The following ABCA2 variants were observed in gnomAD, a reference collection of about 807,000 sequenced individuals.
ABCA2 encodes the protein ATP-binding cassette sub-family A member 2.
ABCA2 carries 84 observed loss-of-function variants against 262.8 expected under a neutral mutation model. That is an observed-to-expected ratio of 0.32 (90% CI 0.27 to 0.38). The LOEUF is 0.38. ABCA2 is among the 10% of genes least tolerant of loss of function. The pLI, the probability that ABCA2 is intolerant of heterozygous loss-of-function variation, is 1.00. For missense variants in ABCA2, 2,662 were observed against 3,405.9 expected (o/e 0.78, Z 5.44); for synonymous variants, 1,696 against 1,502.9 (o/e 1.13, Z -2.97).
At position 137,022,741 on chromosome 9, in the gene ABCA2, C is replaced by T. The variant is rs751530068; in HGVS notation, c.400G>A (p.Gly134Ser). 1 of 1,605,706 alleles carries T rather than the reference C, an allele frequency of 6.2e-7. No individual in the cohort carries two copies. Among genetic ancestry groups the T allele is most frequent in the East Asian group, 2.2e-5 (1 of 44,664 alleles). ...LRQHLEALSA[G>S]PGTSGSHLDR... ...AGGTGGCTCCCCGAGGTGCCCGGGC[C>T]CGCACTGAGGGCCTCCAGATGCTGG... The change falls in exon 5 of 49, where the codon GGC (glycine) becomes AGC (serine). Residue 134 changes from glycine to serine, a missense_variant. Around this residue, in one of 12 missense-constraint regions of ABCA2, gnomAD observed 403 missense variants for 375.9 expected, o/e 1.07. Coordinates refer to ENST00000341511, the MANE Select transcript of ABCA2 (RefSeq NM_001606.5).
Position 137,014,750 on chromosome 9 carries a change from G to T in ABCA2, c.3943C>A (p.Leu1315Met). The T allele has an allele frequency of 6.2e-7, 1 of 1,601,542 alleles. No homozygotes were observed. The highest frequency in any genetic ancestry group is 1.7e-5 in the Admixed American group (1 of 58,044). The change falls in exon 26 of 49, where the codon CTG becomes ATG. Residue 1315 changes from leucine (L) to methionine (M), a missense_variant. Leu to Met is a conservative substitution (Grantham distance 15, BLOSUM62 2). This residue lies in a region of ABCA2 where 297 missense variants were observed against 286.5 expected (regional missense o/e 1.04). Transcript: ENST00000341511. ...GACACCTTGAGGAACACTTCCTCCA[G>T]GGTCGTGTCCATCAGCCCGAAGCTG... ...LSSFGLMDTT[L>M]EEVFLKVSEE... is the part of the protein sequence containing the mutation.
In ABCA2 at chr9:137,010,066, C is replaced by T. The variant is rs747146798; in HGVS notation, c.6412G>A (p.Ala2138Thr). ...CGGGCCGTGAGCTCGTCGAACAGCG[C>T]GTCACACTGCGGGCAGTAGCCGAGG... ...QSLGYCPQCD[A>T]LFDELTAREH... Residue 2138 changes from alanine to threonine, a missense_variant, in exon 42 of 49, where the codon GCG becomes ACG. Around this residue, in one of 12 missense-constraint regions of ABCA2, gnomAD observed 602 missense variants for 897.4 expected, o/e 0.67. Transcript: ENST00000341511. 12 of 1,600,520 alleles carry T rather than the reference C, an allele frequency of 7.5e-6. No individual in the cohort carries two copies. The highest frequency in any genetic ancestry group is 1.7e-5 in the Admixed American group (1 of 59,426).
intron 27 of ABCA2, 57 bp downstream of exon 27, chr9:137,014,111 C>A: frequency 6.3e-7 from 1 of 1,589,100 alleles, no homozygotes; most frequent in Non-Finnish European, 8.6e-7. Context: ...TCATGCCGCT[C>A]CCCCGCAACC....
At chr9:137,022,325 A>G (rs1216087427) in intron 6 of ABCA2, 26 bp downstream of exon 6, 3 of 1,574,978 alleles carry the variant, frequency 1.9e-6, no homozygotes, top group Admixed American at 1.8e-5. Flanking sequence ...GGGAGTGGCC[A>G]GGGCTGGGAG....
chr9:137,024,942 G>C (rs755791016), intron 1 of ABCA2, among the ~76,000 whole-genome samples: 1 of 152,162 alleles, frequency 6.6e-6, no homozygotes, highest in Non-Finnish European at 1.5e-5. Flanking sequence ...GGGACTACAG[G>C]CGCCCGCCAC....
rs531165598 is a variant in ABCA2, at chr9:137,019,964, C to T, written c.1425+372G>A. The T allele has an allele frequency of 4.1e-5, 11 of 265,176 alleles. No individual in the cohort carries two copies. The highest frequency in any genetic ancestry group is 2.5e-4 in the African/African-American group (11 of 44,056). 16.4% of individuals were successfully genotyped at this position (265,176 alleles called of 1,614,324 possible). On this transcript the variant is annotated intron_variant, in intron 10 of 48. Coordinates refer to ENST00000341511, the MANE Select transcript of ABCA2 (RefSeq NM_001606.5). The surrounding 1 kb of genome is among the most constrained non-coding windows in gnomAD (Gnocchi z 4.4). ...CTCCCCTCCCAGGCCAATGTCCAGC[C>T]CTGGCCTCTGCTTGTTCCAGACAGG...
rs749797423 is a variant in ABCA2 at position 137,021,873 on chromosome 9, A to C, written c.678+18T>G. ...GCAGGCAGCACTCCAGGCCCATCCC[A>C]CACATGGATGCCCTCACCTCCATCC... On this transcript the variant is annotated intron_variant, in intron 7 of 48. Transcript: ENST00000341511. This position sits in a 1 kb window ranked among gnomAD's most constrained non-coding sequence, Gnocchi z 6.0. The C allele has an allele frequency of 1.9e-6, 3 of 1,571,920 alleles. No individual in the cohort carries two copies. The highest frequency in any genetic ancestry group is 2.6e-6 in the Non-Finnish European group (3 of 1,156,234).
Position 137,010,463 on chromosome 9 carries a change from C to T in ABCA2, c.6175-92G>A, listed in dbSNP as rs1830995000. ...CCCAGACCCTGCCCCACCTCCAGAG[C>T]CCAGGGGGCCACGTGCCCCACAGCC... On this transcript the variant is annotated intron_variant, in intron 40 of 48. Coordinates refer to ENST00000341511, the MANE Select transcript of ABCA2 (RefSeq NM_001606.5). 3.5e-6 allele frequency: 5 copies of T among 1,446,012 alleles called. No individual in the cohort carries two copies. The East Asian group carries it at 1.0e-4, about 30-fold the overall frequency. The allele number at this position is 1,446,012 out of a possible 1,614,324, so 89.6% of individuals were successfully genotyped here.
rs1005414934 is a variant in ABCA2 at position 137,009,782 on chromosome 9, G to C, written c.6617C>G (p.Ala2206Gly). The C allele has an allele frequency of 6.2e-7, 1 of 1,611,646 alleles. No homozygotes were observed. The highest frequency in any genetic ancestry group is 8.5e-7 in the Non-Finnish European group (1 of 1,179,322). The change falls in exon 43 of 49, where the codon GCC (alanine) becomes GGC (glycine). Residue 2206 changes from alanine to glycine, a missense_variant. Ala to Gly is a moderately conservative substitution (Grantham distance 60). This residue lies in a region of ABCA2 where 602 missense variants were observed against 897.4 expected (regional missense o/e 0.67). Coordinates refer to ENST00000341511, the MANE Select transcript of ABCA2 (RefSeq NM_001606.5). The part of the protein sequence containing the change: ...STAIALIGYP[A>G]FIFLDEPTTG... ...CCCAGGACTTACCAGGAAGATGAAG[G>C]CTGGGTACCCAATGAGGGCGATGGC... is the stretch of plus-strand genomic sequence containing the variant.
chr9:137,028,792 GC>G, upstream of ABCA2: 1 of 1,295,884 alleles, frequency 7.7e-7, no homozygotes. This position sits in a 1 kb window ranked among gnomAD's most constrained non-coding sequence, Gnocchi z 6.9. Flanking sequence ...GAAACTCGAG[GC>G]CCCAGGAACG....
Position 137,021,325 on chromosome 9 carries a change from G to A in ABCA2, c.897+67C>T, listed in dbSNP as rs534132694. The stretch of plus-strand genomic sequence containing the variant: ...CCCAGGAGCCCTGAGCTCTCCAAGC[G>A]GTCCCAGCCCCTCCTTCAACTCAGG... On this transcript the variant is annotated intron_variant, in intron 8 of 48. Transcript: ENST00000341511. This position sits in a 1 kb window ranked among gnomAD's most constrained non-coding sequence, Gnocchi z 6.0. The A allele has an allele frequency of 9.5e-5, 149 of 1,561,494 alleles. No individual in the cohort carries two copies. Among genetic ancestry groups the A allele is most frequent in the East Asian group, 2.5e-4 (11 of 44,240 alleles).
chr9:137,019,738 G>A lies in ABCA2; in HGVS notation c.1426-432C>T, dbSNP rs1831387704. ...GCCCGGGCTCTCCACTCCTTTCTGCGGCGCTCAGGTGAAACCTGCTTTGCC... is the reference window on the plus strand; with the variant it reads ...GCCCGGGCTCTCCACTCCTTTCTGCAGCGCTCAGGTGAAACCTGCTTTGCC... On this transcript the variant is annotated intron_variant, in intron 10 of 48. Transcript: ENST00000341511. The surrounding 1 kb of genome is among the most constrained non-coding windows in gnomAD (Gnocchi z 4.4). 1.0e-5 allele frequency: 2 copies of A among 200,222 alleles called. No homozygotes were observed. Among genetic ancestry groups the A allele is most frequent in the Admixed American group, 5.4e-5 (1 of 18,478 alleles). The allele number at this position is 200,222 out of a possible 1,614,324, so 12.4% of individuals were successfully genotyped here.
chr9:137,020,139 C>G, intron 10 of ABCA2, 197 bp downstream of exon 10: 1 of 694,988 alleles, frequency 1.4e-6, no homozygotes. Flanking sequence ...AGTGCCTTCC[C>G]ACAGCAGCCC....
chr9:137,022,476 A>C lies in ABCA2; in HGVS notation c.442T>G (p.Ser148Ala). Residue 148 changes from serine to alanine, a missense_variant and splice_region_variant, in exon 6 of 49, where the codon TCT becomes GCT. Physicochemically the swap from Ser to Ala is moderately conservative, Grantham distance 99. This residue lies in a region of ABCA2 where 403 missense variants were observed against 375.9 expected (regional missense o/e 1.07). Transcript: ENST00000341511. ...GCCACCGAGTCCAGAGAGAAGGAAGACACTGGACAGGCAGGAAGGCGAGGC... is the reference window on the plus strand; with the variant it reads ...GCCACCGAGTCCAGAGAGAAGGAAGCCACTGGACAGGCAGGAAGGCGAGGC... Reference protein sequence around the residue: ...SGSHLDRSTVSSFSLDSVARN... With the variant: ...SGSHLDRSTVASFSLDSVARN... 1 of 1,611,408 alleles carries C rather than the reference A, an allele frequency of 6.2e-7. No homozygotes were observed. The highest frequency in any genetic ancestry group is 8.5e-7 in the Non-Finnish European group (1 of 1,179,482).
rs1831370922 is a variant in ABCA2 at position 137,019,223 on chromosome 9, G to A, written c.1509C>T (p.Phe503=). Residue 503 remains phenylalanine, a synonymous_variant, in exon 11 of 49, where the codon TTC becomes TTT. Coordinates refer to ENST00000341511, the MANE Select transcript of ABCA2 (RefSeq NM_001606.5). The surrounding 1 kb of genome is among the most constrained non-coding windows in gnomAD (Gnocchi z 4.4). ...WLNISAEIRS[F]LEQGRLQQHL... ...GTTGCTGCAGCCTGCCCTGCTCCAGGAAGCTGCGGATCTCCGCCGAGATGT... is the reference window on the plus strand; with the variant it reads ...GTTGCTGCAGCCTGCCCTGCTCCAGAAAGCTGCGGATCTCCGCCGAGATGT... The A allele has an allele frequency of 6.2e-7, 1 of 1,612,562 alleles. No homozygotes were observed. Among genetic ancestry groups the A allele is most frequent in the Non-Finnish European group, 8.5e-7 (1 of 1,179,914 alleles).
Position 137,020,319 on chromosome 9 carries a change from G to C in ABCA2, c.1425+17C>G. 1 of 1,611,224 alleles carries C rather than the reference G, an allele frequency of 6.2e-7. No individual in the cohort carries two copies. Among genetic ancestry groups the C allele is most frequent in the Non-Finnish European group, 8.5e-7 (1 of 1,179,918 alleles). ...CCACTCTGCCTGTCAAACATGGAGC[G>C]TCCCAGACCCGTGCACCTTGAGGAT... On this transcript the variant is annotated intron_variant, in intron 10 of 48. Coordinates refer to ENST00000341511, the MANE Select transcript of ABCA2 (RefSeq NM_001606.5).
intron 6 of ABCA2, 76 bp downstream of exon 6, chr9:137,022,275 G>T: frequency 6.7e-7 from 1 of 1,492,234 alleles, no homozygotes; most frequent in South Asian, 1.3e-5. Flanking sequence ...TGAGCATCCT[G>T]AGGATGGCTC....
chr9:137,020,625 C>G (rs2131461420), intron 9 of ABCA2, 69 bp downstream of exon 9: 1 of 1,573,430 alleles, frequency 6.4e-7, no homozygotes. Context: ...AGAGCCAGAG[C>G]CTAGATTCAG....
rs1831373973 is a variant in ABCA2, at chr9:137,019,334, G to C, written c.1426-28C>G. On this transcript the variant is annotated intron_variant, in intron 10 of 48. Transcript: ENST00000341511. This position sits in a 1 kb window ranked among gnomAD's most constrained non-coding sequence, Gnocchi z 4.4. ...GCAGGGGGTGAGGCAGGGGCATGGA[G>C]TTTCTGGACGGACCCCCACCGACTT... The C allele has an allele frequency of 6.2e-7, 1 of 1,608,346 alleles. No individual in the cohort carries two copies. The highest frequency in any genetic ancestry group is 1.7e-5 in the Admixed American group (1 of 59,722).
Sources: allele counts gnomAD v4.1 joint callset (sites outside exome capture counted in the v4.1 genomes callset), GRCh38; gene constraint gnomAD v4.1.1; regional missense constraint gnomAD v4.1.1; non-coding constraint Gnocchi (gnomAD v3.1); transcripts MANE v1.5; gene names NCBI Gene and HGNC (gene_info 2026-07-23, HGNC 2026-07-21).